CSGALNACT1: variants seen among roughly 807,000 people sequenced by gnomAD.
CSGALNACT1 encodes chondroitin sulfate N-acetylgalactosaminyltransferase 1, also known as beta4GalNAcT-1.
Under a neutral mutation model 51.0 loss-of-function variants are expected in CSGALNACT1, and 52 were observed. The ratio of observed to expected loss-of-function variants is 1.02; its 90% CI spans 0.82 to 1.29. The LOEUF is 1.29. Ranked by LOEUF, CSGALNACT1 falls within the 50% of genes most tolerant of loss-of-function variation. The probability of loss-of-function intolerance (pLI) is 0.00; values close to 1 mark genes in which losing one functional copy is unlikely to be tolerated. For synonymous variants in CSGALNACT1, 341 were observed against 254.4 expected (o/e 1.34, Z -3.24); for missense variants, 935 against 679.2 (o/e 1.38, Z -4.19).
intron 6 of CSGALNACT1, among the ~76,000 whole-genome samples, chr8:19,433,335 G>T (rs192876426): frequency 2.0e-5 from 3 of 152,152 alleles, no homozygotes; most frequent in Non-Finnish European, 2.9e-5. Flanking sequence ...GCCACAAGTG[G>T]GAGCTTAGGA....
At chr8:19,621,420 T>TG (rs1413697636) in intron 1 of CSGALNACT1, among the ~76,000 whole-genome samples, 1 of 152,184 alleles carries the variant, frequency 6.6e-6, no homozygotes, top group Non-Finnish European at 1.5e-5. Context: ...AGAAAACCTA[T>TG]GTTTGCATAT....
chr8:19,616,732 T>C (rs2053076588), intron 1 of CSGALNACT1, among the ~76,000 whole-genome samples: 1 of 152,212 alleles, frequency 6.6e-6, no homozygotes, highest in Non-Finnish European at 1.5e-5. Context: ...TATCTGCTCC[T>C]GCCTCACCTT....
At chr8:19,499,896 C>T (rs559578741) in intron 4 of CSGALNACT1, among the ~76,000 whole-genome samples, 2 of 152,262 alleles carry the variant, frequency 1.3e-5, no homozygotes, top group East Asian at 1.9e-4. Context: ...ACTGGATTCC[C>T]GGCAGTTGCT....
intron 1 of CSGALNACT1, among the ~76,000 whole-genome samples, chr8:19,711,214 C>T (rs1237241098): frequency 6.6e-6 from 1 of 151,986 alleles, no homozygotes; most frequent in Non-Finnish European, 1.5e-5. Flanking sequence ...CAGTGATAGT[C>T]GAGTTGTGCT....
At position 19,736,051 on chromosome 8, in the gene CSGALNACT1, CA is replaced by C. The variant is rs1217362636; in HGVS notation, c.-297+21798del. 2.6e-5 allele frequency among the ~76,000 whole-genome samples: 4 copies of C among 152,066 alleles called. No homozygotes were observed. The East Asian group carries it at 5.8e-4, about 22-fold the overall frequency. ...GCAACACAGGAAAACACATTTAAGG[CA>C]AAAAAATGCTTCAAAACTTACGGAA... On this transcript the variant is annotated intron_variant, in intron 1 of 1. Transcript: ENST00000517494.
chr8:19,731,046 G>T (rs1452317131), intron 1 of CSGALNACT1, among the ~76,000 whole-genome samples: 5 of 152,140 alleles, frequency 3.3e-5, no homozygotes, highest in African/African-American at 1.2e-4. Context: ...GGGGTGTGAG[G>T]CTCTGTGAAA....
chr8:19,602,935 A>C (rs1421760767), upstream of CSGALNACT1, among the ~76,000 whole-genome samples: 2 of 151,624 alleles, frequency 1.3e-5, no homozygotes, highest in African/African-American at 4.9e-5. Context: ...TATTATTCGA[A>C]TAACAGCAAA....
At position 19,443,005 on chromosome 8, in the gene CSGALNACT1, C is replaced by T. The variant is rs555609251; in HGVS notation, c.852-3074G>A. Among the ~76,000 whole-genome samples the T allele has an allele frequency of 3.3e-5, 5 of 152,254 alleles. No homozygotes were observed. The East Asian group carries it at 5.8e-4, about 18-fold the overall frequency. ...TCACCATGTCCCCATTTCTCCTCTC[C>T]GTGACTCTAACGATCCCAGGCACCG... On this transcript the variant is annotated intron_variant, in intron 5 of 9. Coordinates refer to ENST00000454498, the Ensembl canonical transcript of CSGALNACT1.
At chr8:19,612,590 G>C (rs2052417290) in intron 1 of CSGALNACT1, among the ~76,000 whole-genome samples, 1 of 151,992 alleles carries the variant, frequency 6.6e-6, no homozygotes, top group African/African-American at 2.4e-5. Context: ...TTTTTCACGT[G>C]ATAAGCACGC....
intron 6 of CSGALNACT1, among the ~76,000 whole-genome samples, chr8:19,427,714 G>T (rs2058994147): frequency 6.6e-6 from 1 of 152,106 alleles, no homozygotes; most frequent in Non-Finnish European, 1.5e-5. Context: ...TGTGAACCCA[G>T]TGGGCGAAGC....
At chr8:19,709,825 T>A (rs1194934189) in intron 1 of CSGALNACT1, among the ~76,000 whole-genome samples, 2 of 151,968 alleles carry the variant, frequency 1.3e-5, no homozygotes, top group African/African-American at 2.4e-5. Context: ...GACAGGCAGG[T>A]CAGGTAAGAT....
chr8:19,599,472 A>AAAAGAAAGAAAGAAAG (rs201098374), intron 2 of CSGALNACT1, among the ~76,000 whole-genome samples: 5,408 of 113,704 alleles, frequency 0.048, 179 homozygotes, highest in South Asian at 0.061. Context: ...GAAAGAAAGA[A>AAAAGAAAGAAAGAAAG]AAAGAAAGAA....
At chr8:19,713,512 A>G (rs911785273) in intron 1 of CSGALNACT1, among the ~76,000 whole-genome samples, 2 of 152,148 alleles carry the variant, frequency 1.3e-5, no homozygotes, top group African/African-American at 4.8e-5. Flanking sequence ...GTTGCTTCAG[A>G]TGTGGTTAGT....
chr8:19,469,349 C>G (rs948280766), intron 4 of CSGALNACT1, among the ~76,000 whole-genome samples: 2 of 152,078 alleles, frequency 1.3e-5, no homozygotes, highest in Admixed American at 6.5e-5. Context: ...TGTGTGTGCA[C>G]CACTGCACTG....
chr8:19,414,398 A>G (rs2056472496), intron 8 of CSGALNACT1, among the ~76,000 whole-genome samples: 1 of 152,260 alleles, frequency 6.6e-6, no homozygotes, highest in Admixed American at 6.5e-5. Flanking sequence ...TGAAACGTCT[A>G]AAGTTAATGT....
intron 1 of CSGALNACT1, among the ~76,000 whole-genome samples, chr8:19,630,779 C>A (rs2055141811): frequency 6.6e-6 from 1 of 152,222 alleles, no homozygotes; most frequent in Admixed American, 6.5e-5. Flanking sequence ...CAAGCTTCCT[C>A]CAGGTCTTCT....
intron 4 of CSGALNACT1, among the ~76,000 whole-genome samples, chr8:19,481,475 A>G (rs2071386722): frequency 1.3e-5 from 2 of 152,148 alleles, no homozygotes; most frequent in African/African-American, 4.8e-5. Context: ...CTTTATATAA[A>G]GATCACAGGT....
In CSGALNACT1 at chr8:19,415,773, T is replaced by G. The variant is rs575243572; in HGVS notation, c.1227+2883A>C. ...AAACCCAAAGGAACTTTAACTTTGA[T>G]TGGCAGAAAGAAAATAAATCCTATA... On this transcript the variant is annotated intron_variant, in intron 8 of 9. Coordinates refer to ENST00000454498, the Ensembl canonical transcript of CSGALNACT1. Among the ~76,000 whole-genome samples, 8 of 152,330 alleles carry G rather than the reference T, an allele frequency of 5.3e-5. No individual in the cohort carries two copies. In the East Asian group the frequency reaches 1.5e-3, roughly 29 times the overall value.
chr8:19,411,075 G>C (rs1041200503), intron 8 of CSGALNACT1, among the ~76,000 whole-genome samples: 2 of 152,006 alleles, frequency 1.3e-5, no homozygotes, highest in African/African-American at 4.8e-5. Flanking sequence ...CTCCCTCTTG[G>C]ATTCTCCATG....
Sources: allele counts gnomAD v4.1 joint callset (sites outside exome capture counted in the v4.1 genomes callset), GRCh38; gene constraint gnomAD v4.1.1; transcripts MANE v1.5; gene names NCBI Gene and HGNC (gene_info 2026-07-23, HGNC 2026-07-21).